Variants in FGF14 observed in about 807,000 individuals in gnomAD.
The protein encoded by FGF14 is fibroblast growth factor 14.
In FGF14, 5 loss-of-function variants were observed where a neutral mutation model predicts 25.5. That is an observed-to-expected ratio of 0.20 (90% CI 0.10 to 0.41). FGF14 has a LOEUF of 0.41. FGF14 is among the 10% of genes least tolerant of loss of function. The probability of loss-of-function intolerance (pLI) is 1.00; values close to 1 mark genes in which losing one functional copy is unlikely to be tolerated. For synonymous variants in FGF14, 138 were observed against 118.3 expected, an observed-to-expected ratio of 1.17 and a Z score of -1.08; for missense variants, 222 against 320.1, an observed-to-expected ratio of 0.69 and a Z score of 2.34.
intron 1 of FGF14, among the ~76,000 whole-genome samples, chr13:101,885,712 A>C (rs564530485): frequency 2.6e-5 from 4 of 152,062 alleles, no homozygotes; most frequent in South Asian, 2.1e-4. Context: ...AAAAAAAAAA[A>C]AAAAACTGCA....
chr13:101,832,914 G>T (rs935350180), intron 3 of FGF14, among the ~76,000 whole-genome samples: 1 of 152,020 alleles, frequency 6.6e-6, no homozygotes, highest in African/African-American at 2.4e-5. Flanking sequence ...AACTACCAGG[G>T]TTGCCATTCT....
At chr13:102,069,682 C>T (rs1051643774) in intron 1 of FGF14, among the ~76,000 whole-genome samples, 1 of 152,214 alleles carries the variant, frequency 6.6e-6, no homozygotes, top group African/African-American at 2.4e-5. Context: ...AGCGAGACCA[C>T]GAACCCACCA....
intron 1 of FGF14, among the ~76,000 whole-genome samples, chr13:102,199,455 G>A (rs558826869): frequency 6.6e-6 from 1 of 152,266 alleles, no homozygotes; most frequent in Non-Finnish European, 1.5e-5. Flanking sequence ...CAATGAGCCA[G>A]GTACTTTTGT....
At chr13:101,733,928 A>C (rs1023795843) in intron 3 of FGF14, among the ~76,000 whole-genome samples, 1 of 151,582 alleles carries the variant, frequency 6.6e-6, no homozygotes, top group African/African-American at 2.4e-5. Flanking sequence ...TTTGATTTGA[A>C]TTTTCACTTA....
chr13:102,210,967 C>A (rs2050132926), intron 1 of FGF14, among the ~76,000 whole-genome samples: 1 of 152,094 alleles, frequency 6.6e-6, no homozygotes, highest in African/African-American at 2.4e-5. Context: ...CGGTGAACAA[C>A]CTCTTGGGAC....
intron 1 of FGF14, among the ~76,000 whole-genome samples, chr13:101,944,004 A>C (rs1263955874): frequency 3.8e-5 from 5 of 131,706 alleles, no homozygotes; most frequent in Admixed American, 7.2e-5. Flanking sequence ...GTCTCAAAAA[A>C]AAAAAAAAAA....
At chr13:101,787,612 C>T (rs2039919023) in intron 3 of FGF14, among the ~76,000 whole-genome samples, 1 of 152,170 alleles carries the variant, frequency 6.6e-6, no homozygotes, top group South Asian at 2.1e-4. Context: ...GACTGACTGC[C>T]TCTCCTCAGA....
At chr13:102,224,785 T>C (rs2050761497) in intron 1 of FGF14, among the ~76,000 whole-genome samples, 1 of 152,178 alleles carries the variant, frequency 6.6e-6, no homozygotes, top group African/African-American at 2.4e-5. Context: ...TTTTATCCCT[T>C]TGAGCAAATA....
At position 102,298,902 on chromosome 13, in the gene FGF14, G is replaced by A. The variant is rs2054876675; in HGVS notation, c.208+102569C>T. 3.3e-5 allele frequency among the ~76,000 whole-genome samples: 5 copies of A among 152,150 alleles called. No individual in the cohort carries two copies. In the South Asian group the frequency reaches 1.0e-3, roughly 32 times the overall value. On this transcript the variant is annotated intron_variant, in intron 1 of 4. Transcript: ENST00000376131. ...AACTCTTAAGTAGGAGCGAAGATGA[G>A]AACTGAATAAATGTGATGTGCTTCT...
chr13:102,069,630 T>C (rs1020462189), intron 1 of FGF14, among the ~76,000 whole-genome samples: 51 of 151,268 alleles, frequency 3.4e-4, no homozygotes, highest in Admixed American at 2.8e-3. Context: ...CCTTAAGAGC[T>C]GTAACACTGA....
chr13:102,046,612 C>G (rs1242313131), intron 1 of FGF14, among the ~76,000 whole-genome samples: 6 of 152,108 alleles, frequency 3.9e-5, no homozygotes, highest in Non-Finnish European at 7.4e-5. Flanking sequence ...GTTCCTACCT[C>G]AAATGACACA....
intron 3 of FGF14, among the ~76,000 whole-genome samples, chr13:101,810,628 C>T (rs1298005155): frequency 6.6e-6 from 1 of 152,182 alleles, no homozygotes; most frequent in Non-Finnish European, 1.5e-5. Context: ...TGCCTTTGTG[C>T]AGTCTCTGTC....
intron 1 of FGF14, among the ~76,000 whole-genome samples, chr13:102,331,240 T>G (rs2056624532): frequency 2.0e-5 from 3 of 152,232 alleles, no homozygotes; most frequent in African/African-American, 4.8e-5. Flanking sequence ...AAAGCCGTTT[T>G]AATGATTAAA....
intron 1 of FGF14, among the ~76,000 whole-genome samples, chr13:102,382,106 T>C (rs2058197424): frequency 6.6e-6 from 1 of 152,156 alleles, no homozygotes; most frequent in African/African-American, 2.4e-5. Flanking sequence ...ATACCAACTA[T>C]GTAAGTGACA....
chr13:101,882,503 A>G (rs1214603321), intron 1 of FGF14, among the ~76,000 whole-genome samples: 1 of 152,082 alleles, frequency 6.6e-6, no homozygotes, highest in African/African-American at 2.4e-5. Context: ...TCAGATAAAT[A>G]GTAGAGCAGT....
At chr13:101,744,205 T>C (rs930676877) in intron 3 of FGF14, among the ~76,000 whole-genome samples, 3 of 152,132 alleles carry the variant, frequency 2.0e-5, no homozygotes, top group Admixed American at 6.5e-5. Flanking sequence ...TTTTATTGTA[T>C]ATGTTGAAAG....
intron 1 of FGF14, among the ~76,000 whole-genome samples, chr13:102,056,830 T>C (rs1404478026): frequency 6.7e-6 from 1 of 149,670 alleles, no homozygotes; most frequent in African/African-American, 2.4e-5. Context: ...TAAAATATAA[T>C]GAAATTCTTA....
At chr13:102,017,799 A>G (rs1270006979) in intron 1 of FGF14, among the ~76,000 whole-genome samples, 1 of 151,892 alleles carries the variant, frequency 6.6e-6, no homozygotes, top group Non-Finnish European at 1.5e-5. Context: ...GCCTTTCTTT[A>G]TTAATTATCT....
rs548671384 is a variant in FGF14, at chr13:101,813,069, C to A, written c.408+55656G>T. On this transcript the variant is annotated intron_variant, in intron 3 of 4. Coordinates refer to ENST00000376143, the MANE Select transcript of FGF14 (RefSeq NM_004115.4). ...TGAAGTCAAAGACTTAAGCAGACTG[C>A]CAAAGAGGTGAAGTTCATGGCAAAA... Among the ~76,000 whole-genome samples, 253 of 152,186 alleles carry A rather than the reference C, an allele frequency of 1.7e-3. 1 individual carries two copies. The highest frequency in any genetic ancestry group is 2.9e-3 in the Admixed American group (44 of 15,288).
Sources: gnomAD v4.1 joint callset for allele counts (sites outside exome capture counted in the v4.1 genomes callset) on GRCh38, gnomAD v4.1.1 for gene constraint, MANE v1.5 for transcripts, NCBI Gene and HGNC (gene_info 2026-07-23, HGNC 2026-07-21) for gene names.